DPP8: variants seen among roughly 807,000 people sequenced by gnomAD.
DPP8 encodes dipeptidyl peptidase 8.
In DPP8, 31 loss-of-function variants were observed where a neutral mutation model predicts 107.5. The observed-to-expected ratio is 0.29, with a 90% CI of 0.22 to 0.39. DPP8 has a LOEUF of 0.39. Among genes scored for constraint, DPP8 ranks in the 10% least tolerant of loss-of-function variants. The pLI is 1.00. For missense variants in DPP8, 842 were observed against 1,076.1 expected (o/e 0.78, Z 3.04); for synonymous variants, 381 against 356.6 (o/e 1.07, Z -0.77).
rs202019237 is a variant in DPP8 at position 65,480,412 on chromosome 15, A to G, written c.1119-13T>C. On this transcript the variant is annotated splice_polypyrimidine_tract_variant and intron_variant, in intron 9 of 19. Transcript: ENST00000300141. ...GATGGACCAAGCACTATTTAAATAA[A>G]TAAAAGAGAAGAACCAGAAATAAAG... 1.3e-6 allele frequency: 2 copies of G among 1,586,312 alleles called. No individual in the cohort carries two copies. Among genetic ancestry groups the G allele is most frequent in the Admixed American group, 1.8e-5 (1 of 54,390 alleles).
intron 7 of DPP8, 86 bp downstream of exon 7, chr15:65,487,604 G>A (rs966221896): frequency 4.5e-6 from 6 of 1,331,104 alleles, no homozygotes; most frequent in African/African-American, 1.5e-5. Context: ...GACCAATGTT[G>A]TTGGCTACAC....
At chr15:65,467,579 T>C (rs2065474645) in intron 12 of DPP8, among the ~76,000 whole-genome samples, 2 of 152,140 alleles carry the variant, frequency 1.3e-5, no homozygotes, top group African/African-American at 4.8e-5. Context: ...GGCCTCACTA[T>C]GTTGCCCAAG....
rs1157076414 is a variant in DPP8, at chr15:65,443,338, AAATGAG to A, written c.*3540_*3545del. ...CTAGCATGTAGGTTGTTCTTCTAAC[AAATGAG>A]AATATCAGCTTAGATTAAATCAAAT... On this transcript the variant is annotated 3_prime_UTR_variant, in exon 20 of 20. Transcript: ENST00000300141. 23 of 152,350 alleles carry A rather than the reference AAATGAG, an allele frequency of 1.5e-4. No homozygotes were observed. The highest frequency in any genetic ancestry group is 5.3e-4 in the African/African-American group (22 of 41,580). The allele number at this position is 152,350 out of a possible 1,614,324, so 9.4% of individuals were successfully genotyped here.
intron 17 of DPP8, among the ~76,000 whole-genome samples, chr15:65,453,238 T>C (rs539295997): frequency 1.3e-5 from 2 of 152,216 alleles, no homozygotes; most frequent in African/African-American, 2.4e-5. Context: ...GATACAATGG[T>C]GTACAGGGCA....
At chr15:65,504,426 C>G (rs1042093580) in intron 3 of DPP8, among the ~76,000 whole-genome samples, 1 of 150,568 alleles carries the variant, frequency 6.6e-6, no homozygotes, top group African/African-American at 2.4e-5. Flanking sequence ...AATTCCAGCA[C>G]ATTGGGAGGC....
chr15:65,454,263 C>A lies in DPP8; in HGVS notation c.2271G>T (p.Arg757Ser). The A allele has an allele frequency of 6.6e-7, 1 of 1,521,646 alleles. No homozygotes were observed. The highest frequency in any genetic ancestry group is 1.3e-5 in the South Asian group (1 of 74,410). 94.3% of individuals were successfully genotyped at this position (1,521,646 alleles called of 1,614,324 possible). A position where few individuals can be genotyped will look rare whatever the true frequency, so the allele number is the denominator to read the frequency against. ...MALMQRSDIF[R>S]VAIAGAPVTL... Reference sequence around the variant, plus strand: ...ATGAGTATAATAGGAAGTCACATACCCTGAAGATATCTGACCTCTGCATTA... The same window carrying A: ...ATGAGTATAATAGGAAGTCACATACACTGAAGATATCTGACCTCTGCATTA... Residue 757 changes from arginine (R) to serine (S), a missense_variant and splice_region_variant, in exon 17 of 20, where the codon AGG becomes AGT. Around this residue, in one of 2 missense-constraint regions of DPP8, gnomAD observed 179 missense variants for 318.0 expected, o/e 0.56. Coordinates refer to ENST00000300141, the MANE Select transcript of DPP8 (RefSeq NM_130434.5).
chr15:65,511,548 G>A (rs1274952654), intron 2 of DPP8, among the ~76,000 whole-genome samples: 2 of 149,804 alleles, frequency 1.3e-5, no homozygotes, highest in Non-Finnish European at 3.0e-5. Context: ...CCCAGCTTGG[G>A]AGGACTGTTT....
intron 13 of DPP8, 106 bp downstream of exon 13, chr15:65,466,965 T>C (rs2065415769): frequency 1.4e-6 from 2 of 1,470,640 alleles, no homozygotes; most frequent in Non-Finnish European, 1.8e-6. Flanking sequence ...AGCTTTTCCT[T>C]AGAGAATTAG....
intron 1 of DPP8, chr15:65,515,964 C>A: frequency 2.1e-6 from 1 of 473,710 alleles, no homozygotes; most frequent in South Asian, 4.9e-5. Flanking sequence ...TATCAGAATT[C>A]AAGAATTATT....
intron 19 of DPP8, among the ~76,000 whole-genome samples, chr15:65,448,830 CATAT>C (rs1339990777): frequency 9.4e-6 from 1 of 106,136 alleles, no homozygotes; most frequent in Non-Finnish European, 2.0e-5. Context: ...CTAAAGTATA[CATAT>C]ATAATATATA....
intron 18 of DPP8, 30 bp downstream of exon 18, chr15:65,451,930 A>G: frequency 7.8e-6 from 1 of 128,758 alleles, no homozygotes; most frequent in Non-Finnish European, 1.5e-5. Context: ...GTCTCAATTT[A>G]AAAAAAAAAA....
At chr15:65,482,637 T>C (rs2140782787) in intron 8 of DPP8, among the ~76,000 whole-genome samples, 1 of 152,288 alleles carries the variant, frequency 6.6e-6, no homozygotes, top group South Asian at 2.1e-4. Context: ...TTTAAAAGTC[T>C]AGTAAACACA....
intron 5 of DPP8, among the ~76,000 whole-genome samples, chr15:65,496,215 C>A (rs968125061): frequency 1.3e-5 from 2 of 152,034 alleles, no homozygotes; most frequent in African/African-American, 4.8e-5. Flanking sequence ...GATCTCTTGA[C>A]CTCGTGATCT....
Position 65,485,250 on chromosome 15 carries a change from G to T in DPP8, c.956-90C>A, listed in dbSNP as rs1452018133. 2.9e-6 allele frequency: 3 copies of T among 1,021,328 alleles called. No individual in the cohort carries two copies. The East Asian group carries it at 7.3e-5, about 25-fold the overall frequency. 63.3% of individuals were successfully genotyped at this position (1,021,328 alleles called of 1,614,324 possible). ...TCAATCCTCTTTACACTTTAGTTAA[G>T]AATAACGTATAGGTCGGGTGCAGTG... is the stretch of plus-strand genomic sequence containing the variant. On this transcript the variant is annotated intron_variant, in intron 7 of 19. Transcript: ENST00000300141.
chr15:65,483,604 TAAA>T (rs1425405886), intron 8 of DPP8, among the ~76,000 whole-genome samples: 1 of 149,182 alleles, frequency 6.7e-6, no homozygotes, highest in Non-Finnish European at 1.5e-5. Flanking sequence ...TAAAATAAAA[TAAA>T]ATAAAATAAA....
At chr15:65,466,591 T>C (rs1305630102) in intron 14 of DPP8, 87 bp downstream of exon 14, 1 of 1,244,390 alleles carries the variant, frequency 8.0e-7, no homozygotes, top group African/African-American at 1.5e-5. Context: ...GAAAGACTTG[T>C]CCAGGAAATG....
At chr15:65,454,492 G>T in intron 16 of DPP8, 77 bp from the exon 17 acceptor site, 1 of 1,318,380 alleles carries the variant, frequency 7.6e-7, no homozygotes, top group Non-Finnish European at 1.0e-6. Flanking sequence ...GATGATAAAT[G>T]TTTTTACTAA....
At chr15:65,489,331 G>A (rs1359070140) in intron 6 of DPP8, among the ~76,000 whole-genome samples, 3 of 151,566 alleles carry the variant, frequency 2.0e-5, no homozygotes, top group South Asian at 4.2e-4. Flanking sequence ...AGAAAAACTG[G>A]CAAAGAGAAT....
At chr15:65,470,902 G>C (rs1229005384) in intron 12 of DPP8, among the ~76,000 whole-genome samples, 2 of 143,844 alleles carry the variant, frequency 1.4e-5, no homozygotes, top group Non-Finnish European at 3.0e-5. Flanking sequence ...CTGGGTGACA[G>C]AGTGAGACTC....
Sources: gnomAD v4.1 joint callset for allele counts (sites outside exome capture counted in the v4.1 genomes callset) on GRCh38, gnomAD v4.1.1 for gene constraint, gnomAD v4.1.1 regional missense constraint, MANE v1.5 for transcripts, NCBI Gene and HGNC (gene_info 2026-07-23, HGNC 2026-07-21) for gene names.